Variants in NDUFA10 observed in about 807,000 individuals in gnomAD.
NDUFA10 encodes the protein NADH:ubiquinone oxidoreductase subunit A10, also known as NADH dehydrogenase [ubiquinone] 1 alpha subcomplex subunit 10, mitochondrial.
NDUFA10 carries 40 observed loss-of-function variants against 47.8 expected under a neutral mutation model. That is an observed-to-expected ratio of 0.84 (90% CI 0.65 to 1.09). The LOEUF (loss-of-function observed/expected upper bound fraction) is 1.09. Among genes scored for constraint, NDUFA10 ranks in the 50% least tolerant of loss-of-function variants. NDUFA10 has a pLI of 0.00. For missense variants in NDUFA10, 413 were observed against 451.1 expected (o/e 0.92, Z 0.76); for synonymous variants, 183 against 172.2 (o/e 1.06, Z -0.49).
At position 240,018,611 on chromosome 2, in the gene NDUFA10, G is replaced by A. The variant is rs767119431; in HGVS notation, c.489C>T (p.Ile163=). The A allele has an allele frequency of 1.9e-6, 3 of 1,614,210 alleles. No homozygotes were observed. The highest frequency in any genetic ancestry group is 2.5e-6 in the Non-Finnish European group (3 of 1,180,048). The change falls in exon 4 of 10, where the codon ATC becomes ATT. Residue 163 remains isoleucine, a synonymous_variant. Coordinates refer to ENST00000252711, the MANE Select transcript of NDUFA10 (RefSeq NM_004544.4). ...TGQGVVLERS[I]FSDFVFLEAM... is the part of the protein sequence containing the mutation. ...CCTCCAGGAACACAAAGTCACTGAA[G>A]ATGGAGCGCTCCAACACAACACCTT...
chr2:240,021,232 T>A lies in NDUFA10; in HGVS notation c.425A>T (p.Gln142Leu), dbSNP rs387906873. ...QSWLYSSRLL[Q>L]YSDALEHLLT... The stretch of plus-strand genomic sequence containing the variant: ...CAAGTGCTCCAAGGCATCTGAGTAC[T>A]GCAGCAGGCGACTGCTGTACAACCA... The change falls in exon 3 of 10, where the codon CAG (glutamine) becomes CTG (leucine). Residue 142 changes from glutamine (Q) to leucine (L), a missense_variant. Transcript: ENST00000252711. 2 of 1,614,112 alleles carry A rather than the reference T, an allele frequency of 1.2e-6. No homozygotes were observed. Among genetic ancestry groups the A allele is most frequent in the Non-Finnish European group, 1.7e-6 (2 of 1,180,050 alleles).
chr2:240,009,173 A>G (rs187207060), intron 6 of NDUFA10, among the ~76,000 whole-genome samples: 1 of 152,318 alleles, frequency 6.6e-6, no homozygotes, highest in East Asian at 1.9e-4. Flanking sequence ...ACAATCTGAA[A>G]CAATAAAGAC....
chr2:239,916,893 C>T (rs1294596380), intron 4 of NDUFA10, among the ~76,000 whole-genome samples: 2 of 152,260 alleles, frequency 1.3e-5, no homozygotes, highest in African/African-American at 4.8e-5. Context: ...CCCCTGGGGT[C>T]AGACTCAGAC....
At chr2:239,998,962 G>C (rs1413216907) in intron 8 of NDUFA10, among the ~76,000 whole-genome samples, 1 of 152,158 alleles carries the variant, frequency 6.6e-6, no homozygotes, top group Non-Finnish European at 1.5e-5. Context: ...AGCCCCCAAG[G>C]CTCCAACCCA....
chr2:240,008,509 C>A (rs543902111), intron 6 of NDUFA10, among the ~76,000 whole-genome samples: 1 of 152,350 alleles, frequency 6.6e-6, no homozygotes, highest in African/African-American at 2.4e-5. Flanking sequence ...GAATAATTCC[C>A]TCTGCAAGTC....
intron 9 of NDUFA10, among the ~76,000 whole-genome samples, chr2:239,965,551 T>C (rs1695024923): frequency 1.3e-5 from 2 of 152,062 alleles, no homozygotes; most frequent in African/African-American, 4.8e-5. Flanking sequence ...CAGACCTTCC[T>C]CCCGAGCCAC....
rs770846975 is a variant in NDUFA10 at position 240,018,562 on chromosome 2, G to A, written c.538C>T (p.Arg180Ter). 27 of 1,614,138 alleles carry A rather than the reference G, an allele frequency of 1.7e-5. No homozygotes were observed. Among genetic ancestry groups the A allele is most frequent in the South Asian group, 1.5e-4 (14 of 91,072 alleles). ...TGCAATGCTGACTCACACTGCTTTC[G>A]GATGAATCCCTGGTTGTACATCGCC... is the stretch of plus-strand genomic sequence containing the variant. ...LEAMYNQGFI[R>*]KQCVDHYNEV... The change falls in exon 4 of 10, where the codon CGA becomes TGA. Residue 180 changes from arginine to a stop codon, truncating the protein, a stop_gained. Transcript: ENST00000252711. LOFTEE classifies it high-confidence loss of function.
chr2:239,983,356 G>A (rs1272963213), intron 9 of NDUFA10, among the ~76,000 whole-genome samples: 1 of 152,234 alleles, frequency 6.6e-6, no homozygotes, highest in East Asian at 1.9e-4. Flanking sequence ...GAAATGCAAT[G>A]AGAACTGCTG....
At chr2:239,997,250 A>T (rs1337376552) in intron 8 of NDUFA10, among the ~76,000 whole-genome samples, 2 of 152,170 alleles carry the variant, frequency 1.3e-5, no homozygotes, top group Admixed American at 1.3e-4. Context: ...AAATAATAAA[A>T]CTAGGGTATA....
At chr2:239,902,757 C>T (rs578174352) in intron 4 of NDUFA10, among the ~76,000 whole-genome samples, 3 of 152,236 alleles carry the variant, frequency 2.0e-5, no homozygotes, top group South Asian at 2.1e-4. Flanking sequence ...TTGGTGACAC[C>T]GTTTAGTGGC....
chr2:239,892,940 G>A (rs1194829626), intron 5 of NDUFA10, among the ~76,000 whole-genome samples: 4 of 152,212 alleles, frequency 2.6e-5, no homozygotes, highest in Admixed American at 6.5e-5. Flanking sequence ...GGCCAGCAAC[G>A]GTGAGGCTGT....
At chr2:239,965,989 A>G (rs535665013) in intron 9 of NDUFA10, among the ~76,000 whole-genome samples, 1 of 152,380 alleles carries the variant, frequency 6.6e-6, no homozygotes, top group East Asian at 1.9e-4. Context: ...ATTTTCCATT[A>G]GAAATCAAAA....
intron 8 of NDUFA10, among the ~76,000 whole-genome samples, chr2:239,998,695 C>T (rs1193899037): frequency 6.6e-6 from 1 of 152,176 alleles, no homozygotes; most frequent in African/African-American, 2.4e-5. Context: ...ACGTGACCAG[C>T]CCCCAGTAAA....
intron 8 of NDUFA10, among the ~76,000 whole-genome samples, chr2:240,002,694 C>T (rs909870732): frequency 6.6e-6 from 1 of 152,104 alleles, no homozygotes; most frequent in Non-Finnish European, 1.5e-5. Flanking sequence ...GTGTGCCTAC[C>T]TTGCTCACCC....
intron 5 of NDUFA10, chr2:240,014,207 G>A (rs756871785): frequency 3.6e-5 from 6 of 168,674 alleles, no homozygotes; most frequent in East Asian, 1.6e-4. Flanking sequence ...GCGTTGCTTC[G>A]AGGCCACCTA....
chr2:239,914,660 A>G (rs190131483), intron 4 of NDUFA10, among the ~76,000 whole-genome samples: 2 of 47,796 alleles, frequency 4.2e-5, no homozygotes, highest in Non-Finnish European at 3.9e-5. Flanking sequence ...ACACAGACAC[A>G]CACAAATATA....
chr2:239,958,937 T>C lies in NDUFA10; in HGVS notation c.*2181A>G. On this transcript the variant is annotated 3_prime_UTR_variant, in exon 10 of 10. Coordinates refer to ENST00000252711, the MANE Select transcript of NDUFA10 (RefSeq NM_004544.4). ...GCACGATTATTTTGATCCTGGTTTG[T>C]TGGTGCTGTTGTTTTAGTTGTAAGA... 1 of 985,386 alleles carries C rather than the reference T, an allele frequency of 1.0e-6. No individual in the cohort carries two copies. The highest frequency in any genetic ancestry group is 1.2e-6 in the Non-Finnish European group (1 of 829,892). The allele number at this position is 985,386 out of a possible 1,614,324, so 61.0% of individuals were successfully genotyped here.
At chr2:239,954,734 CATT>C (rs921821516), downstream of NDUFA10, among the ~76,000 whole-genome samples, 1 of 152,200 alleles carries the variant, frequency 6.6e-6, no homozygotes, top group Non-Finnish European at 1.5e-5. Flanking sequence ...TAAAAAATAG[CATT>C]TTTTTATTTT....
chr2:239,978,622 C>T (rs1481058080), intron 9 of NDUFA10, among the ~76,000 whole-genome samples: 1 of 152,226 alleles, frequency 6.6e-6, no homozygotes, highest in Non-Finnish European at 1.5e-5. Flanking sequence ...CTGTCCCTCC[C>T]ACCAAGTGGT....
Sources: gnomAD v4.1 joint callset for allele counts (sites outside exome capture counted in the v4.1 genomes callset) on GRCh38, gnomAD v4.1.1 for gene constraint, MANE v1.5 for transcripts, NCBI Gene and HGNC (gene_info 2026-07-23, HGNC 2026-07-21) for gene names.